Variants in OPCML observed in about 807,000 individuals in gnomAD.
The protein encoded by OPCML is opioid-binding protein/cell adhesion molecule.
OPCML carries 13 observed loss-of-function variants against 37.8 expected under a neutral mutation model. The ratio of observed to expected loss-of-function variants is 0.34; its 90% confidence interval spans 0.22 to 0.55. The LOEUF (loss-of-function observed/expected upper bound fraction) is 0.55. Among genes scored for constraint, OPCML ranks in the 20% least tolerant of loss-of-function variants. OPCML has a pLI of 0.91. For missense variants in OPCML, 341 were observed against 435.6 expected (o/e 0.78, Z 1.93); for synonymous variants, 176 against 168.8 (o/e 1.04, Z -0.33).
intron 2 of OPCML, among the ~76,000 whole-genome samples, chr11:132,743,433 G>T: frequency 6.6e-6 from 1 of 152,122 alleles, no homozygotes; most frequent in Non-Finnish European, 1.5e-5. Flanking sequence ...CCTCCAGGAA[G>T]GAAGGATTAT....
chr11:133,305,409 C>A (rs1389982172), intron 1 of OPCML, among the ~76,000 whole-genome samples: 1 of 152,184 alleles, frequency 6.6e-6, no homozygotes, highest in Non-Finnish European at 1.5e-5. Flanking sequence ...AAAGAGCCTT[C>A]CCTTCAGCTA....
At chr11:132,486,838 T>C (rs2096201458) in intron 4 of OPCML, among the ~76,000 whole-genome samples, 1 of 152,208 alleles carries the variant, frequency 6.6e-6, no homozygotes, top group South Asian at 2.1e-4. Context: ...AAGGAGAGCC[T>C]GTGAAACAAA....
chr11:132,447,133 G>A (rs2096057457), intron 4 of OPCML, among the ~76,000 whole-genome samples: 1 of 152,170 alleles, frequency 6.6e-6, no homozygotes, highest in Non-Finnish European at 1.5e-5. Context: ...GCCTTTGGGG[G>A]AATTAAAACT....
At chr11:132,648,399 C>T (rs1421245943) in intron 3 of OPCML, among the ~76,000 whole-genome samples, 2 of 152,156 alleles carry the variant, frequency 1.3e-5, no homozygotes, top group Non-Finnish European at 2.9e-5. Flanking sequence ...ACAGGCATTT[C>T]ATTTTCCTTC....
chr11:132,852,817 A>G (rs1304231531), intron 2 of OPCML, among the ~76,000 whole-genome samples: 1 of 152,124 alleles, frequency 6.6e-6, no homozygotes, highest in African/African-American at 2.4e-5. Flanking sequence ...GGGTGTCTAC[A>G]GGTAGGCTTG....
chr11:132,503,463 A>G (rs142775495), intron 4 of OPCML, among the ~76,000 whole-genome samples: 102 of 152,348 alleles, frequency 6.7e-4, no homozygotes, highest in African/African-American at 1.8e-3. Context: ...CTTTACCTAC[A>G]AGAATACAAT....
At chr11:132,636,753 T>C (rs1940525263) in intron 3 of OPCML, among the ~76,000 whole-genome samples, 1 of 152,194 alleles carries the variant, frequency 6.6e-6, no homozygotes, top group African/African-American at 2.4e-5. Flanking sequence ...CCCTGCTCTG[T>C]TCCCCTGGGA....
chr11:133,423,326 T>C, intron 1 of OPCML: 1 of 985,420 alleles, frequency 1.0e-6, no homozygotes, highest in Non-Finnish European at 1.2e-6. Context: ...CACCTGACAA[T>C]GGGCATCTGT....
At chr11:132,970,500 T>A (rs971190804) in intron 1 of OPCML, among the ~76,000 whole-genome samples, 1 of 152,202 alleles carries the variant, frequency 6.6e-6, no homozygotes, top group African/African-American at 2.4e-5. Context: ...ACCAGGCTGA[T>A]CTCCTTTGGA....
At chr11:133,483,450 TGATA>T (rs1947427226) in intron 1 of OPCML, among the ~76,000 whole-genome samples, 1 of 151,914 alleles carries the variant, frequency 6.6e-6, no homozygotes, top group Non-Finnish European at 1.5e-5. Context: ...CTAGATTGAT[TGATA>T]AATAGAAAAA....
chr11:133,358,172 T>G (rs1944333997), intron 1 of OPCML, among the ~76,000 whole-genome samples: 2 of 152,224 alleles, frequency 1.3e-5, no homozygotes, highest in Admixed American at 1.3e-4. Context: ...CTGATGAAAA[T>G]GTTTATCATT....
In OPCML at chr11:133,150,394, G is replaced by T. The variant is rs548540054; in HGVS notation, c.62-207384C>A. On this transcript the variant is annotated intron_variant, in intron 1 of 7. Transcript: ENST00000524381. Reference sequence around the variant, plus strand: ...AGAGGTTATGAAATTTGCCTGAGTTGATGCAGGTGCGAAATGGTGCAGCTG... The same window carrying T: ...AGAGGTTATGAAATTTGCCTGAGTTTATGCAGGTGCGAAATGGTGCAGCTG... Among the ~76,000 whole-genome samples, 15 of 152,342 alleles carry T rather than the reference G, an allele frequency of 9.8e-5. No individual in the cohort carries two copies. In the East Asian group the frequency reaches 2.9e-3, roughly 29 times the overall value.
intron 1 of OPCML, among the ~76,000 whole-genome samples, chr11:133,391,295 G>C (rs1945169331): frequency 6.6e-6 from 1 of 152,164 alleles, no homozygotes; most frequent in Non-Finnish European, 1.5e-5. Flanking sequence ...GCTCCTCCAA[G>C]CCCATGGGGA....
intron 3 of OPCML, among the ~76,000 whole-genome samples, chr11:132,595,442 G>C: frequency 6.6e-6 from 1 of 152,142 alleles, no homozygotes; most frequent in Non-Finnish European, 1.5e-5. Context: ...TTACCTGTCT[G>C]TACCACAACA....
chr11:133,438,223 G>A (rs1195921693), intron 1 of OPCML, among the ~76,000 whole-genome samples: 6 of 152,134 alleles, frequency 3.9e-5, no homozygotes, highest in Non-Finnish European at 8.8e-5. Context: ...TATGTAAGAG[G>A]AGGATATAGA....
At chr11:132,477,694 C>A (rs539204464) in intron 4 of OPCML, among the ~76,000 whole-genome samples, 1 of 152,290 alleles carries the variant, frequency 6.6e-6, no homozygotes, top group South Asian at 2.1e-4. Flanking sequence ...ATATGTTTTT[C>A]TGGAGTGTGT....
intron 2 of OPCML, among the ~76,000 whole-genome samples, chr11:132,941,016 TAA>T (rs1380136823): frequency 6.8e-6 from 1 of 147,082 alleles, no homozygotes. Context: ...TGTGCTTACT[TAA>T]AAAAAAAAAA....
chr11:133,092,283 C>T (rs543732984), intron 1 of OPCML, among the ~76,000 whole-genome samples: 3 of 152,208 alleles, frequency 2.0e-5, no homozygotes, highest in East Asian at 1.9e-4. Flanking sequence ...ATAAATTACC[C>T]GGTCTGTGGC....
At chr11:133,087,994 AAAAT>A (rs1430488080) in intron 1 of OPCML, among the ~76,000 whole-genome samples, 5 of 152,236 alleles carry the variant, frequency 3.3e-5, no homozygotes, top group Admixed American at 6.5e-5. Context: ...GTAGCACGAT[AAAAT>A]AAATATATGA....
Sources: gnomAD v4.1 joint callset for allele counts (sites outside exome capture counted in the v4.1 genomes callset) on GRCh38, gnomAD v4.1.1 for gene constraint, MANE v1.5 for transcripts, NCBI Gene and HGNC (gene_info 2026-07-23, HGNC 2026-07-21) for gene names.